ABCA3: variants seen among roughly 807,000 people sequenced by gnomAD.
ABCA3 encodes the protein ATP binding cassette subfamily A member 3.
In ABCA3, 88 loss-of-function variants were observed where a neutral mutation model predicts 172.8. That is an observed-to-expected ratio of 0.51 (90% CI 0.43 to 0.61). The LOEUF (loss-of-function observed/expected upper bound fraction) is 0.61. ABCA3 is among the 20% of genes least tolerant of loss of function. ABCA3 has a pLI of 0.00. For synonymous variants in ABCA3, 1,066 were observed against 983.8 expected, an observed-to-expected ratio of 1.08 and a Z score of -1.56; for missense variants, 2,164 against 2,301.0, an observed-to-expected ratio of 0.94 and a Z score of 1.22.
chr16:2,336,477 C>A (rs1193382559), intron 1 of ABCA3, among the ~76,000 whole-genome samples: 1 of 151,366 alleles, frequency 6.6e-6, no homozygotes, highest in Non-Finnish European at 1.5e-5. Flanking sequence ...GTTGCCCAGG[C>A]TGGAGTGCAA....
chr16:2,311,238 C>T (rs551524072), intron 10 of ABCA3, among the ~76,000 whole-genome samples: 1 of 152,228 alleles, frequency 6.6e-6, no homozygotes, highest in East Asian at 1.9e-4. Context: ...TCCCAAAGTG[C>T]TGGAATTACA....
chr16:2,308,514 G>A lies in ABCA3; in HGVS notation c.1221C>T (p.Ser407=), dbSNP rs1425309045. 7.4e-6 allele frequency: 12 copies of A among 1,614,136 alleles called. No homozygotes were observed. Among genetic ancestry groups the A allele is most frequent in the East Asian group, 2.2e-5 (1 of 44,900 alleles). The part of the protein sequence containing the change: ...NWMTLSQKLC[S]CLLSNVAMAM... ...CCATGGCGACATTAGACAGGAGGCA[G>A]GAGCAGAGCTTCTGGCTCAGAGTCA... The change falls in exon 11 of 33, where the codon TCC becomes TCT. Residue 407 remains serine, a synonymous_variant. Transcript: ENST00000301732.
rs142584479 is a variant in ABCA3 at position 2,277,636 on chromosome 16, G to A, written c.4944C>T (p.Val1648=). ...SVLEDEHQGM[V]HYHLPGRDLS... ...GGTCACGGCCCGGCAGGTGGTAATG[G>A]ACCATGCCTTGGTGCTCATCTTCCA... Residue 1648 remains valine, a synonymous_variant, in exon 32 of 33, where the codon GTC becomes GTT. Coordinates refer to ENST00000301732, the MANE Select transcript of ABCA3 (RefSeq NM_001089.3). This position sits in a 1 kb window ranked among gnomAD's most constrained non-coding sequence, Gnocchi z 5.3. The A allele has an allele frequency of 2.6e-3, 4,168 of 1,613,170 alleles. 17 individuals are homozygous for A. The highest frequency in any genetic ancestry group is 3.3e-3 in the Non-Finnish European group (3,845 of 1,180,016).
intron 6 of ABCA3, 28 bp from the exon 7 acceptor site, chr16:2,323,716 T>C: frequency 6.2e-7 from 1 of 1,611,084 alleles, no homozygotes; most frequent in Non-Finnish European, 8.5e-7. Flanking sequence ...AAACCAGCTG[T>C]TCCGAGAGAT....
chr16:2,324,906 G>T (rs958497819), intron 5 of ABCA3, among the ~76,000 whole-genome samples: 1 of 152,160 alleles, frequency 6.6e-6, no homozygotes, highest in African/African-American at 2.4e-5. Flanking sequence ...AAATGGAGTG[G>T]ATGCTAACTC....
intron 10 of ABCA3, among the ~76,000 whole-genome samples, chr16:2,309,500 GCTTC>G (rs2093703172): frequency 6.6e-6 from 1 of 152,232 alleles, no homozygotes; most frequent in Admixed American, 6.5e-5. Flanking sequence ...GGCCGGGAAG[GCTTC>G]GAGGAGGTGA....
chr16:2,306,345 G>C (rs2093697551), intron 11 of ABCA3, among the ~76,000 whole-genome samples: 1 of 152,116 alleles, frequency 6.6e-6, no homozygotes, highest in Non-Finnish European at 1.5e-5. Context: ...TTGTTAAAAA[G>C]AAAGCAAAAG....
At position 2,278,320 on chromosome 16, in the gene ABCA3, C is replaced by T. The variant is rs201522512; in HGVS notation, c.4686G>A (p.Glu1562=). The T allele has an allele frequency of 1.9e-6, 3 of 1,610,376 alleles. No homozygotes were observed. Among genetic ancestry groups the T allele is most frequent in the Admixed American group, 1.7e-5 (1 of 60,018 alleles). The change falls in exon 30 of 33, where the codon GAG becomes GAA. Residue 1562 remains glutamate (E), a synonymous_variant. Coordinates refer to ENST00000301732, the MANE Select transcript of ABCA3 (RefSeq NM_001089.3). The surrounding 1 kb of genome is among the most constrained non-coding windows in gnomAD (Gnocchi z 4.4). ...LLWDTVARAR[E]SGKAIIITSH... is the part of the protein sequence containing the mutation. Reference sequence around the variant, plus strand: ...AGGTGATGATGATGGCCTTGCCAGACTCTCGGGCTCGTGCCACGGTGTCCC... The same window carrying T: ...AGGTGATGATGATGGCCTTGCCAGATTCTCGGGCTCGTGCCACGGTGTCCC...
At chr16:2,316,352 A>G (rs1332739333) in intron 10 of ABCA3, among the ~76,000 whole-genome samples, 1 of 147,672 alleles carries the variant, frequency 6.8e-6, no homozygotes, top group Non-Finnish European at 1.5e-5. Context: ...AAGAAAAGAA[A>G]AAAAAAAAAA....
In ABCA3 at chr16:2,326,070, T is replaced by C; in HGVS notation, c.259A>G (p.Ser87Gly). The part of the protein sequence containing the change: ...TWELAYIPSH[S>G]DAAKTVTETV... ...TCAGTGACGGTCTTGGCAGCGTCAC[T>C]GTGAGAAGGGATGTAGGCAAGCTCC... Residue 87 changes from serine (S) to glycine (G), a missense_variant, in exon 5 of 33, where the codon AGT (serine) becomes GGT (glycine). Ser to Gly is a moderately conservative substitution (Grantham distance 56, BLOSUM62 0). Around this residue, in one of 3 missense-constraint regions of ABCA3, gnomAD observed 1,343 missense variants for 1,369.6 expected, o/e 0.98. Coordinates refer to ENST00000301732, the MANE Select transcript of ABCA3 (RefSeq NM_001089.3). The C allele has an allele frequency of 1.2e-6, 2 of 1,613,960 alleles. No individual in the cohort carries two copies. The highest frequency in any genetic ancestry group is 1.7e-6 in the Non-Finnish European group (2 of 1,180,020).
rs768510111 is a variant in ABCA3 at position 2,326,038 on chromosome 16, C to T, written c.291G>A (p.Val97=). ...SDAAKTVTET[V]RRALVINMRV... Reference sequence around the variant, plus strand: ...GCATGTTGATCACAAGTGCCCTGCGCACTGTCTCAGTGACGGTCTTGGCAG... The same window carrying T: ...GCATGTTGATCACAAGTGCCCTGCGTACTGTCTCAGTGACGGTCTTGGCAG... Residue 97 remains valine (V), a synonymous_variant, in exon 5 of 33, where the codon GTG becomes GTA. Coordinates refer to ENST00000301732, the MANE Select transcript of ABCA3 (RefSeq NM_001089.3). The T allele has an allele frequency of 7.4e-6, 12 of 1,614,024 alleles. No individual in the cohort carries two copies. In the East Asian group the frequency reaches 2.0e-4, roughly 27 times the overall value.
In ABCA3 at chr16:2,323,351, C is replaced by T. The variant is rs930950437; in HGVS notation, c.613+172G>A. 96 of 799,394 alleles carry T rather than the reference C, an allele frequency of 1.2e-4. 1 individual carries two copies. Among genetic ancestry groups the T allele is most frequent in the Middle Eastern group, 3.6e-4 (1 of 2,790 alleles). 49.5% of individuals were successfully genotyped at this position (799,394 alleles called of 1,614,324 possible). A position where few individuals can be genotyped will look rare whatever the true frequency, so the allele number is the denominator to read the frequency against. ...AATCATGCTGCTATAAGGACACATG[C>T]ACACGTATGTTTATTGCGGCACTAT... is the stretch of plus-strand genomic sequence containing the variant. On this transcript the variant is annotated intron_variant, in intron 7 of 32. Coordinates refer to ENST00000301732, the MANE Select transcript of ABCA3 (RefSeq NM_001089.3).
chr16:2,323,895 G>T (rs558907800), intron 6 of ABCA3, among the ~76,000 whole-genome samples: 2 of 152,086 alleles, frequency 1.3e-5, no homozygotes, highest in Non-Finnish European at 2.9e-5. Flanking sequence ...GGCCCCTTTT[G>T]GGGGGTGGTT....
intron 5 of ABCA3, 112 bp from the exon 6 acceptor site, chr16:2,324,643 G>A: frequency 6.7e-7 from 1 of 1,490,416 alleles, no homozygotes; most frequent in Non-Finnish European, 9.1e-7. Context: ...CTAGGGCTTT[G>A]TAAACCCTTC....
At chr16:2,306,871 T>A (rs1374608947) in intron 11 of ABCA3, among the ~76,000 whole-genome samples, 1 of 151,516 alleles carries the variant, frequency 6.6e-6, no homozygotes, top group South Asian at 2.1e-4. Context: ...AAAAATTAGC[T>A]GGGCACGGTG....
intron 18 of ABCA3, among the ~76,000 whole-genome samples, chr16:2,293,539 GTTTTT>G (rs1171254786): frequency 7.6e-6 from 1 of 130,930 alleles, no homozygotes; most frequent in Admixed American, 7.7e-5. Flanking sequence ...ACGTGGCTAA[GTTTTT>G]TTTTTTTTTT....
chr16:2,278,587 G>A lies in ABCA3; in HGVS notation c.4548-129C>T, dbSNP rs2093650324. The A allele has an allele frequency of 7.9e-7, 1 of 1,273,058 alleles. No homozygotes were observed. The highest frequency in any genetic ancestry group is 1.1e-6 in the Non-Finnish European group (1 of 911,626). The allele number at this position is 1,273,058 out of a possible 1,614,324, so 78.9% of individuals were successfully genotyped here. On this transcript the variant is annotated intron_variant, in intron 29 of 32. Coordinates refer to ENST00000301732, the MANE Select transcript of ABCA3 (RefSeq NM_001089.3). This position sits in a 1 kb window ranked among gnomAD's most constrained non-coding sequence, Gnocchi z 4.4. ...ATTGCAGAACAGCCCTAGTGAAGAG[G>A]AAGGAGCTGTGTGTGCACCTGGAAA...
At chr16:2,299,602 T>C in intron 13 of ABCA3, 70 bp from the exon 14 acceptor site, 1 of 1,602,674 alleles carries the variant, frequency 6.2e-7, no homozygotes, top group Admixed American at 1.7e-5. Context: ...CCTCTCCTGC[T>C]CCCCTGCCCG....
chr16:2,317,508 G>A (rs323066), intron 9 of ABCA3, 105 bp from the exon 10 acceptor site: 2 of 1,585,438 alleles, frequency 1.3e-6, no homozygotes, highest in South Asian at 1.1e-5. Context: ...CGAGAGGAGT[G>A]GGACATTGAC....
Sources: allele counts gnomAD v4.1 joint callset (sites outside exome capture counted in the v4.1 genomes callset), GRCh38; gene constraint gnomAD v4.1.1; regional missense constraint gnomAD v4.1.1; non-coding constraint Gnocchi (gnomAD v3.1); transcripts MANE v1.5; gene names NCBI Gene and HGNC (gene_info 2026-07-23, HGNC 2026-07-21).